Variants in SPTLC2 observed in about 807,000 individuals in gnomAD.
SPTLC2 encodes the protein serine palmitoyltransferase 2.
In SPTLC2, 21 loss-of-function variants were observed where a neutral mutation model predicts 62.0. The observed-to-expected ratio is 0.34, with a 90% CI of 0.24 to 0.49. The LOEUF (loss-of-function observed/expected upper bound fraction) is 0.49, where lower values mean the gene tolerates loss of function less well. Ranked by LOEUF, SPTLC2 falls within the 20% of genes least tolerant of loss-of-function variation. The probability of loss-of-function intolerance (pLI) is 0.99; values close to 1 mark genes in which losing one functional copy is unlikely to be tolerated. For synonymous variants in SPTLC2, 261 were observed against 261.8 expected, an observed-to-expected ratio of 1.00 and a Z score of 0.03; for missense variants, 511 against 713.0, an observed-to-expected ratio of 0.72 and a Z score of 3.23.
chr14:77,604,094 C>T (rs1457497279), intron 1 of SPTLC2, among the ~76,000 whole-genome samples: 1 of 150,572 alleles, frequency 6.6e-6, no homozygotes, highest in Non-Finnish European at 1.5e-5. Context: ...TGGGAATACT[C>T]CCTGATATGC....
intron 8 of SPTLC2, chr14:77,554,966 A>C (rs1256173203): frequency 8.4e-6 from 3 of 358,382 alleles, no homozygotes; most frequent in Non-Finnish European, 1.6e-5. Flanking sequence ...TGACAACCCC[A>C]CTGTTTTTGA....
intron 2 of SPTLC2, among the ~76,000 whole-genome samples, chr14:77,592,200 T>C (rs1311757938): frequency 6.6e-6 from 1 of 151,900 alleles, no homozygotes; most frequent in Non-Finnish European, 1.5e-5. Flanking sequence ...TGTGACAAGA[T>C]CTCAGCTTAC....
intron 11 of SPTLC2, among the ~76,000 whole-genome samples, chr14:77,516,070 G>C (rs923967674): frequency 1.4e-5 from 2 of 147,410 alleles, no homozygotes; most frequent in African/African-American, 2.5e-5. Context: ...CATGTCATGA[G>C]GCCCATTATT....
rs768256865 is a variant in SPTLC2, at chr14:77,512,269, G to A, written c.*15C>T. The A allele has an allele frequency of 1.1e-5, 18 of 1,613,348 alleles. No homozygotes were observed. Among genetic ancestry groups the A allele is most frequent in the Non-Finnish European group, 1.3e-5 (15 of 1,180,000 alleles). ...TGGGTGAGGGAGAGTTCCTCTGAGG[G>A]AGCACCAAAAAGGCTCAGTCTTCTG... On this transcript the variant is annotated 3_prime_UTR_variant, in exon 12 of 12. Transcript: ENST00000216484.
chr14:77,557,348 A>G, intron 6 of SPTLC2: 1 of 584,166 alleles, frequency 1.7e-6, no homozygotes. Context: ...AAATGTTCAA[A>G]ACCATCGAAA....
At chr14:77,520,047 T>G (rs2079378409) in intron 10 of SPTLC2, among the ~76,000 whole-genome samples, 2 of 152,222 alleles carry the variant, frequency 1.3e-5, no homozygotes, top group Non-Finnish European at 2.9e-5. Context: ...ATTGCTTTTT[T>G]GTGCCCTTTT....
chr14:77,572,821 CT>C (rs1335318085), intron 4 of SPTLC2, among the ~76,000 whole-genome samples: 2 of 152,194 alleles, frequency 1.3e-5, no homozygotes, highest in Non-Finnish European at 2.9e-5. Context: ...TAGGCTTAAG[CT>C]TTTCTTCTGC....
intron 6 of SPTLC2, among the ~76,000 whole-genome samples, chr14:77,561,701 C>A (rs1048680929): frequency 2.2e-4 from 34 of 151,486 alleles, no homozygotes; most frequent in Non-Finnish European, 1.3e-4. Flanking sequence ...AAGACAAAAA[C>A]AAAAACAAAA....
intron 10 of SPTLC2, among the ~76,000 whole-genome samples, chr14:77,519,812 C>T (rs1352176158): frequency 6.6e-6 from 1 of 152,170 alleles, no homozygotes; most frequent in African/African-American, 2.4e-5. Flanking sequence ...TCAGCATGAA[C>T]CTGGGTGCCC....
At chr14:77,527,686 T>C (rs778748009) in intron 9 of SPTLC2, among the ~76,000 whole-genome samples, 13 of 151,976 alleles carry the variant, frequency 8.6e-5, no homozygotes, top group Non-Finnish European at 1.8e-4. Flanking sequence ...CCTAGATAGG[T>C]GTGACTTAGA....
chr14:77,572,984 C>T (rs1015827947), intron 4 of SPTLC2, among the ~76,000 whole-genome samples: 8 of 152,222 alleles, frequency 5.3e-5, no homozygotes, highest in Admixed American at 3.3e-4. Flanking sequence ...GGCTGTTTCA[C>T]TTTCTTATAA....
At chr14:77,582,824 C>A (rs1045592492) in intron 2 of SPTLC2, among the ~76,000 whole-genome samples, 1 of 152,176 alleles carries the variant, frequency 6.6e-6, no homozygotes, top group Non-Finnish European at 1.5e-5. Context: ...GAGGGACTTA[C>A]GGCCGAAATC....
chr14:77,606,922 G>A (rs1450173684), intron 1 of SPTLC2, among the ~76,000 whole-genome samples: 3 of 151,812 alleles, frequency 2.0e-5, no homozygotes, highest in African/African-American at 7.3e-5. Flanking sequence ...CCAGAAGGTT[G>A]AAGCTGCAGT....
intron 1 of SPTLC2, among the ~76,000 whole-genome samples, chr14:77,611,469 A>G (rs2140067596): frequency 6.6e-6 from 1 of 151,702 alleles, no homozygotes; most frequent in African/African-American, 2.4e-5. Flanking sequence ...AAAAAAAAAA[A>G]AAAAAAGAAA....
Position 77,534,176 on chromosome 14 carries a change from TCTCA to T in SPTLC2, c.1304-12599_1304-12596del, listed in dbSNP as rs749482961. Among the ~76,000 whole-genome samples the T allele has an allele frequency of 1.2e-3, 136 of 110,628 alleles. 1 individual carries two copies. Among genetic ancestry groups the T allele is most frequent in the Middle Eastern group, 9.8e-3 (2 of 204 alleles). 72.6% of individuals were successfully genotyped at this position (110,628 alleles called of 152,430 possible). ...CTGTCTCTCTCTCTTTCTCTCTCTCTCTCACACACACACACACACACACACACAC... is the reference window on the plus strand; with the variant it reads ...CTGTCTCTCTCTCTTTCTCTCTCTCTCACACACACACACACACACACACAC... On this transcript the variant is annotated intron_variant, in intron 9 of 11. Transcript: ENST00000216484.
intron 9 of SPTLC2, among the ~76,000 whole-genome samples, chr14:77,543,136 A>G (rs2079510433): frequency 6.6e-6 from 1 of 151,858 alleles, no homozygotes; most frequent in South Asian, 2.1e-4. Context: ...TGCAACCTCC[A>G]CCTCCCGGGT....
At chr14:77,612,991 A>G (rs2079946207) in intron 1 of SPTLC2, among the ~76,000 whole-genome samples, 1 of 152,204 alleles carries the variant, frequency 6.6e-6, no homozygotes, top group Non-Finnish European at 1.5e-5. Flanking sequence ...TAAAAGGAAA[A>G]CCTAAATCTC....
intron 1 of SPTLC2, among the ~76,000 whole-genome samples, chr14:77,606,373 CTG>C (rs59065946): frequency 0.28 from 40,872 of 148,084 alleles, 5,660 homozygotes; most frequent in South Asian, 0.39. Flanking sequence ...AGGGAGGGGA[CTG>C]TGTGTGTGTG....
At chr14:77,542,075 A>AC (rs896076900) in intron 9 of SPTLC2, among the ~76,000 whole-genome samples, 16 of 151,970 alleles carry the variant, frequency 1.1e-4, no homozygotes, top group African/African-American at 3.9e-4. Context: ...AAAAAAAAAA[A>AC]AAACCAAGAA....
Sources: gnomAD v4.1 joint callset for allele counts (sites outside exome capture counted in the v4.1 genomes callset) on GRCh38, gnomAD v4.1.1 for gene constraint, MANE v1.5 for transcripts, NCBI Gene and HGNC (gene_info 2026-07-23, HGNC 2026-07-21) for gene names.